Variants in CHRM3 observed in about 807,000 individuals in gnomAD.
CHRM3 encodes muscarinic acetylcholine receptor M3.
Under a neutral mutation model 41.8 loss-of-function variants are expected in CHRM3, and 11 were observed. That is an observed-to-expected ratio of 0.26 (90% CI 0.17 to 0.44). CHRM3 has a LOEUF of 0.44. Ranked by LOEUF, CHRM3 falls within the 20% of genes least tolerant of loss-of-function variation. The probability of loss-of-function intolerance (pLI) is 1.00; values close to 1 mark genes in which losing one functional copy is unlikely to be tolerated. For synonymous variants in CHRM3, 297 were observed against 301.4 expected, an observed-to-expected ratio of 0.99 and a Z score of 0.15; for missense variants, 571 against 745.4, an observed-to-expected ratio of 0.77 and a Z score of 2.72.
At chr1:239,595,833 TA>T (rs1264056144) in intron 3 of CHRM3, among the ~76,000 whole-genome samples, 2 of 152,214 alleles carry the variant, frequency 1.3e-5, no homozygotes, top group Non-Finnish European at 2.9e-5. Flanking sequence ...TCCATTTTTT[TA>T]TTTTAGTATT....
chr1:239,893,415 G>T (rs1240238040), intron 6 of CHRM3, among the ~76,000 whole-genome samples: 2 of 152,198 alleles, frequency 1.3e-5, no homozygotes, highest in African/African-American at 4.8e-5. Context: ...CTAGGGCAGA[G>T]ATTAGGAAAT....
At position 239,909,314 on chromosome 1, in the gene CHRM3, G is replaced by A. The variant is rs201109211; in HGVS notation, c.*90G>A. 1 of 1,374,578 alleles carries A rather than the reference G, an allele frequency of 7.3e-7. No individual in the cohort carries two copies. Among genetic ancestry groups the A allele is most frequent in the Non-Finnish European group, 9.9e-7 (1 of 1,014,592 alleles). 85.1% of individuals were successfully genotyped at this position (1,374,578 alleles called of 1,614,324 possible). A position where few individuals can be genotyped will look rare whatever the true frequency, so the allele number is the denominator to read the frequency against. On this transcript the variant is annotated 3_prime_UTR_variant, in exon 7 of 7. Coordinates refer to ENST00000676153, the MANE Select transcript of CHRM3 (RefSeq NM_001375978.1). Reference sequence around the variant, plus strand: ...AGGCGAGGGCGGGGTGACTTCTGGTGATGATAAAAATGGTTTTATCACCCA... The same window carrying A: ...AGGCGAGGGCGGGGTGACTTCTGGTAATGATAAAAATGGTTTTATCACCCA...
chr1:239,677,651 A>T (rs1180025648), intron 4 of CHRM3, among the ~76,000 whole-genome samples: 1 of 152,190 alleles, frequency 6.6e-6, no homozygotes, highest in Non-Finnish European at 1.5e-5. Context: ...CGTTTTGTAC[A>T]GCATTCTCCC....
chr1:239,704,493 T>C (rs1372465440), intron 5 of CHRM3: 1 of 152,156 alleles, frequency 6.6e-6, no homozygotes, highest in Non-Finnish European at 1.5e-5. Context: ...TATATGTACA[T>C]TTTAGTTTCT....
At chr1:239,733,755 TTTTTC>T (rs1298602379) in intron 5 of CHRM3, among the ~76,000 whole-genome samples, 1 of 152,082 alleles carries the variant, frequency 6.6e-6, no homozygotes, top group East Asian at 1.9e-4. Context: ...CTTCACTACA[TTTTTC>T]TTATGTGGGG....
intron 6 of CHRM3, among the ~76,000 whole-genome samples, chr1:239,831,790 G>T (rs971102773): frequency 6.6e-6 from 1 of 152,158 alleles, no homozygotes; most frequent in African/African-American, 2.4e-5. Flanking sequence ...AATACCATTG[G>T]CTAAGTGTCC....
chr1:239,821,161 G>GT (rs1380519256), intron 5 of CHRM3, among the ~76,000 whole-genome samples: 10 of 152,182 alleles, frequency 6.6e-5, no homozygotes, highest in African/African-American at 2.4e-4. Flanking sequence ...TGGTATGGTT[G>GT]TTTTTTAAAA....
chr1:239,535,428 G>A (rs759052769), intron 2 of CHRM3, among the ~76,000 whole-genome samples: 4 of 150,064 alleles, frequency 2.7e-5, no homozygotes, highest in Non-Finnish European at 4.4e-5. Context: ...TGAGTGGAGC[G>A]CCAATCACCA....
intron 2 of CHRM3, among the ~76,000 whole-genome samples, chr1:239,519,527 C>T (rs535956883): frequency 7.3e-4 from 111 of 152,164 alleles, no homozygotes; most frequent in African/African-American, 2.5e-3. Context: ...AGTTCTTTAA[C>T]TGGGTTAAGG....
At chr1:239,658,316 A>G (rs1398503557) in intron 4 of CHRM3, among the ~76,000 whole-genome samples, 1 of 152,240 alleles carries the variant, frequency 6.6e-6, no homozygotes, top group East Asian at 1.9e-4. Flanking sequence ...ATTTCTCATA[A>G]TAACTAGTAG....
intron 4 of CHRM3, among the ~76,000 whole-genome samples, chr1:239,667,846 A>G (rs1193998681): frequency 6.6e-6 from 1 of 152,084 alleles, no homozygotes; most frequent in African/African-American, 2.4e-5. Flanking sequence ...GTCTTCCCAT[A>G]CCTGATAGGA....
At chr1:239,872,939 T>A (rs1331111088) in intron 6 of CHRM3, among the ~76,000 whole-genome samples, 1 of 136,962 alleles carries the variant, frequency 7.3e-6, no homozygotes, top group Non-Finnish European at 1.5e-5. Context: ...CCAGTTTGTA[T>A]TTTTTTTTTC....
chr1:239,598,960 CCCT>C (rs902600779), intron 3 of CHRM3, among the ~76,000 whole-genome samples: 1 of 151,380 alleles, frequency 6.6e-6, no homozygotes, highest in Non-Finnish European at 1.5e-5. Flanking sequence ...CATGTTTTGG[CCCT>C]CCCCTAATCT....
At chr1:239,516,836 G>A (rs1378368954) in intron 2 of CHRM3, among the ~76,000 whole-genome samples, 1 of 152,124 alleles carries the variant, frequency 6.6e-6, no homozygotes, top group Admixed American at 6.6e-5. Flanking sequence ...GATCAACGGT[G>A]GCATTAGATT....
At chr1:239,799,051 C>A (rs1218666199) in intron 5 of CHRM3, among the ~76,000 whole-genome samples, 1 of 152,096 alleles carries the variant, frequency 6.6e-6, no homozygotes, top group Non-Finnish European at 1.5e-5. Flanking sequence ...GGTGAAGGGT[C>A]AGTCCATTAA....
At chr1:239,860,087 G>C (rs74149251) in intron 6 of CHRM3, among the ~76,000 whole-genome samples, 4,008 of 152,096 alleles carry the variant, frequency 0.026, 182 homozygotes, top group African/African-American at 0.09. Flanking sequence ...CAGCCACACA[G>C]AAAAGAAAGC....
At chr1:239,543,760 G>A (rs1659018860) in intron 2 of CHRM3, among the ~76,000 whole-genome samples, 1 of 151,894 alleles carries the variant, frequency 6.6e-6, no homozygotes, top group African/African-American at 2.4e-5. Flanking sequence ...CGCCCACCTC[G>A]GCCTCCCAAA....
intron 3 of CHRM3, among the ~76,000 whole-genome samples, chr1:239,600,705 C>T (rs1665412633): frequency 1.3e-5 from 2 of 151,260 alleles, no homozygotes; most frequent in South Asian, 2.1e-4. Context: ...CCTTTCCTCC[C>T]CTTCCTTCCT....
chr1:239,597,584 AT>A (rs1664929713), intron 3 of CHRM3, among the ~76,000 whole-genome samples: 1 of 152,080 alleles, frequency 6.6e-6, no homozygotes, highest in African/African-American at 2.4e-5. Context: ...AAATCTGGTC[AT>A]ATCATTACAA....
Sources: allele counts gnomAD v4.1 joint callset (sites outside exome capture counted in the v4.1 genomes callset), GRCh38; gene constraint gnomAD v4.1.1; transcripts MANE v1.5; gene names NCBI Gene and HGNC (gene_info 2026-07-23, HGNC 2026-07-21).